Variants in ZNF644 observed in about 807,000 individuals in gnomAD.
ZNF644 encodes zinc finger protein 644.
In ZNF644, 20 loss-of-function variants were observed where a neutral mutation model predicts 108.0. The ratio of observed to expected loss-of-function variants is 0.19; its 90% CI spans 0.13 to 0.27. The LOEUF is 0.27. ZNF644 is among the 10% of genes least tolerant of loss of function. The pLI, the probability that ZNF644 is intolerant of heterozygous loss-of-function variation, is 1.00. For missense variants in ZNF644, 1,338 were observed against 1,548.9 expected, an observed-to-expected ratio of 0.86 and a Z score of 2.29; for synonymous variants, 542 against 539.1, an observed-to-expected ratio of 1.01 and a Z score of -0.08.
chr1:91,004,746 T>C (rs1261706236), intron 1 of ZNF644, among the ~76,000 whole-genome samples: 2 of 152,170 alleles, frequency 1.3e-5, no homozygotes, highest in African/African-American at 2.4e-5. Context: ...TTGTATATTA[T>C]TAAAATTTAC....
At chr1:91,007,365 C>T (rs1659558746) in intron 1 of ZNF644, among the ~76,000 whole-genome samples, 1 of 150,610 alleles carries the variant, frequency 6.6e-6, no homozygotes, top group African/African-American at 2.4e-5. Context: ...GGGTGCATAC[C>T]AACATGCCCT....
At chr1:90,998,133 G>A (rs925680295) in intron 1 of ZNF644, among the ~76,000 whole-genome samples, 10 of 152,174 alleles carry the variant, frequency 6.6e-5, no homozygotes, top group African/African-American at 1.7e-4. Flanking sequence ...GGGCACAGCC[G>A]AACAAAAGGC....
At chr1:90,957,450 C>A (rs986534322) in intron 2 of ZNF644, among the ~76,000 whole-genome samples, 1 of 152,090 alleles carries the variant, frequency 6.6e-6, no homozygotes, top group African/African-American at 2.4e-5. Flanking sequence ...GGGATTTACC[C>A]CAGGAATGCC....
At chr1:90,981,674 T>C (rs1172004754) in intron 2 of ZNF644, among the ~76,000 whole-genome samples, 3 of 152,092 alleles carry the variant, frequency 2.0e-5, no homozygotes, top group African/African-American at 7.2e-5. Flanking sequence ...TTAAAAAGCA[T>C]TCTTTCACAT....
At chr1:90,929,824 A>G (rs1231955885) in intron 4 of ZNF644, among the ~76,000 whole-genome samples, 1 of 152,220 alleles carries the variant, frequency 6.6e-6, no homozygotes, top group Non-Finnish European at 1.5e-5. Flanking sequence ...TACTACGATT[A>G]CACTTAAAAG....
At chr1:90,961,322 AATTT>A (rs928575936) in intron 2 of ZNF644, among the ~76,000 whole-genome samples, 2 of 152,188 alleles carry the variant, frequency 1.3e-5, no homozygotes, top group Non-Finnish European at 2.9e-5. Flanking sequence ...TAATTTACTT[AATTT>A]ATTAACAGTT....
chr1:90,938,188 A>T lies in ZNF644; in HGVS notation c.3082+84T>A. 6.2e-7 allele frequency: 1 copy of T among 1,608,174 alleles called. No individual in the cohort carries two copies. The highest frequency in any genetic ancestry group is 1.7e-5 in the Admixed American group (1 of 59,754). On this transcript the variant is annotated intron_variant, in intron 3 of 5. Coordinates refer to ENST00000337393, the MANE Select transcript of ZNF644 (RefSeq NM_201269.3). This position sits in a 1 kb window ranked among gnomAD's most constrained non-coding sequence, Gnocchi z 4.2. ...GAAACATAAAATTATGATTCTAATAAAGACTAAATTCAAAAAAAACTTTTA... is the reference window on the plus strand; with the variant it reads ...GAAACATAAAATTATGATTCTAATATAGACTAAATTCAAAAAAAACTTTTA...
intron 1 of ZNF644, among the ~76,000 whole-genome samples, chr1:91,016,142 G>A (rs534370635): frequency 1.3e-5 from 2 of 152,250 alleles, no homozygotes; most frequent in African/African-American, 2.4e-5. Context: ...AAAGTATTTA[G>A]TGAGTCAGTA....
chr1:91,018,660 TAAGATTC>T (rs1660636155), intron 1 of ZNF644, among the ~76,000 whole-genome samples: 11 of 152,200 alleles, frequency 7.2e-5, no homozygotes, highest in Admixed American at 7.2e-4. Context: ...TTCCCAAGAA[TAAGATTC>T]ACTTTTCCTT....
intron 1 of ZNF644, among the ~76,000 whole-genome samples, chr1:91,011,235 G>GC (rs1659933476): frequency 6.6e-6 from 1 of 152,088 alleles, no homozygotes; most frequent in Non-Finnish European, 1.5e-5. Context: ...AATCCCTGGA[G>GC]CAAGAGTATA....
At chr1:91,017,290 T>G (rs1660512318) in intron 1 of ZNF644, among the ~76,000 whole-genome samples, 1 of 152,238 alleles carries the variant, frequency 6.6e-6, no homozygotes, top group Admixed American at 6.5e-5. Flanking sequence ...AAATCATTTA[T>G]CTTTATTTTT....
chr1:91,019,443 CA>C (rs1660700052), intron 1 of ZNF644, among the ~76,000 whole-genome samples: 1 of 152,160 alleles, frequency 6.6e-6, no homozygotes, highest in Non-Finnish European at 1.5e-5. Context: ...GTCAAGACTG[CA>C]TTTGGAAAAC....
At chr1:91,015,385 T>C (rs953397159) in intron 1 of ZNF644, among the ~76,000 whole-genome samples, 1 of 152,168 alleles carries the variant, frequency 6.6e-6, no homozygotes, top group African/African-American at 2.4e-5. Context: ...AAAGATTATA[T>C]TCCACCCGCC....
rs1172953582 is a variant in ZNF644, at chr1:90,915,353, A to G, written c.*1445T>C. On this transcript the variant is annotated 3_prime_UTR_variant, in exon 6 of 6. Transcript: ENST00000337393. ...AGAGATTTTTCTGGTAAGGAGATAT[A>G]CCATAGGAAAGCAATTTCACTGGCA... is the stretch of plus-strand genomic sequence containing the variant. 6.6e-6 allele frequency: 1 copy of G among 152,590 alleles called. No homozygotes were observed. Among genetic ancestry groups the G allele is most frequent in the Non-Finnish European group, 1.5e-5 (1 of 68,008 alleles). 9.5% of individuals were successfully genotyped at this position (152,590 alleles called of 1,614,324 possible). A position where few individuals can be genotyped will look rare whatever the true frequency, so the allele number is the denominator to read the frequency against.
intron 2 of ZNF644, among the ~76,000 whole-genome samples, chr1:90,963,572 G>A (rs1437730130): frequency 2.0e-5 from 3 of 152,070 alleles, no homozygotes; most frequent in Non-Finnish European, 2.9e-5. Flanking sequence ...ACCTCCTACA[G>A]TAACATGACA....
At chr1:91,003,025 G>C (rs897768887) in intron 1 of ZNF644, among the ~76,000 whole-genome samples, 35 of 152,308 alleles carry the variant, frequency 2.3e-4, no homozygotes, top group Non-Finnish European at 4.7e-4. Context: ...AAAAAGTCAG[G>C]AAACAACAGG....
chr1:90,995,635 A>G (rs536492851), intron 1 of ZNF644, among the ~76,000 whole-genome samples: 2 of 152,344 alleles, frequency 1.3e-5, no homozygotes, highest in East Asian at 3.9e-4. Flanking sequence ...GACAGCAGCC[A>G]AAGAAAAATG....
At chr1:90,937,431 C>A in intron 4 of ZNF644, 54 bp downstream of exon 4, 1 of 1,610,054 alleles carries the variant, frequency 6.2e-7, no homozygotes, top group South Asian at 1.1e-5. Flanking sequence ...TTAAAGAAGG[C>A]ATAATTGAAC....
intron 1 of ZNF644, among the ~76,000 whole-genome samples, chr1:91,014,276 TATA>T (rs1660235102): frequency 6.6e-6 from 1 of 152,192 alleles, no homozygotes; most frequent in African/African-American, 2.4e-5. Flanking sequence ...TCTCTTAACA[TATA>T]ATGTCATCTT....
Sources: gnomAD v4.1 joint callset for allele counts (sites outside exome capture counted in the v4.1 genomes callset) on GRCh38, gnomAD v4.1.1 for gene constraint, Gnocchi (gnomAD v3.1) non-coding constraint, MANE v1.5 for transcripts, NCBI Gene and HGNC (gene_info 2026-07-23, HGNC 2026-07-21) for gene names.